CAMK1D: variants seen among roughly 807,000 people sequenced by gnomAD.
The protein encoded by CAMK1D is calcium/calmodulin dependent protein kinase ID.
A neutral mutation model predicts 47.7 loss-of-function variants in CAMK1D; 9 were observed. That is an observed-to-expected ratio of 0.19 (90% confidence interval 0.11 to 0.33). The LOEUF (loss-of-function observed/expected upper bound fraction) is 0.33. Among genes scored for constraint, CAMK1D ranks in the 10% least tolerant of loss-of-function variants. The pLI is 1.00. For missense variants in CAMK1D, 291 were observed against 488.7 expected (o/e 0.60, Z 3.81); for synonymous variants, 184 against 184.9 (o/e 0.99, Z 0.04).
intron 2 of CAMK1D, among the ~76,000 whole-genome samples, chr10:12,652,032 G>A (rs929865056): frequency 1.3e-5 from 2 of 151,926 alleles, no homozygotes; most frequent in Admixed American, 1.3e-4. Context: ...GCCCGCCTCG[G>A]CCTCCCAAAG....
chr10:12,542,613 C>T (rs1422325008), intron 1 of CAMK1D, among the ~76,000 whole-genome samples: 4 of 152,152 alleles, frequency 2.6e-5, no homozygotes, highest in African/African-American at 7.2e-5. Flanking sequence ...CAGTTCCATT[C>T]GACTAAGAGT....
chr10:12,369,144 C>T (rs1837936300), intron 1 of CAMK1D, among the ~76,000 whole-genome samples: 1 of 152,064 alleles, frequency 6.6e-6, no homozygotes, highest in African/African-American at 2.4e-5. Context: ...AGACAGATTC[C>T]AGCTTTTGTT....
chr10:12,827,462 T>TTCTTTCTTTCTTTCTTTCTTTC lies in CAMK1D; in HGVS notation c.1040-1306_1040-1305insCTTTCTTTCTTTCTTTCTTTCT, dbSNP rs1564594070. ...TTCTTTCTTTCTTTCTTTTCTTTCT[T>TTCTTTCTTTCTTTCTTTCTTTC]TGTCTGTCTGTCTTTCTTTCTTTCT... On this transcript the variant is annotated intron_variant, in intron 10 of 10. Transcript: ENST00000619168. 1.6e-4 allele frequency among the ~76,000 whole-genome samples: 2 copies of TTCTTTCTTTCTTTCTTTCTTTC among 12,122 alleles called. 1 individual carries two copies. The highest frequency in any genetic ancestry group is 3.8e-4 in the African/African-American group (2 of 5,258). 8.0% of individuals were successfully genotyped at this position (12,122 alleles called of 152,430 possible). A position where few individuals can be genotyped will look rare whatever the true frequency, so the allele number is the denominator to read the frequency against.
chr10:12,406,065 C>T (rs777577220), intron 1 of CAMK1D, among the ~76,000 whole-genome samples: 2 of 152,078 alleles, frequency 1.3e-5, no homozygotes, highest in Non-Finnish European at 2.9e-5. Flanking sequence ...ATGGGTGCAT[C>T]AATCAAATGG....
At chr10:12,796,249 G>A (rs556372726) in intron 6 of CAMK1D, among the ~76,000 whole-genome samples, 1 of 152,308 alleles carries the variant, frequency 6.6e-6, no homozygotes, top group South Asian at 2.1e-4. Flanking sequence ...AGAGGCACAA[G>A]AGCAGGCTGG....
chr10:12,619,412 C>CG (rs2132434416), intron 2 of CAMK1D, among the ~76,000 whole-genome samples: 1 of 151,872 alleles, frequency 6.6e-6, no homozygotes, highest in East Asian at 1.9e-4. Context: ...TGCCTCAGCC[C>CG]GAGTAGCTGG....
intron 3 of CAMK1D, among the ~76,000 whole-genome samples, chr10:12,759,219 C>T (rs1010881077): frequency 3.3e-5 from 5 of 152,124 alleles, no homozygotes; most frequent in South Asian, 2.1e-4. Flanking sequence ...TGTGGTGGCA[C>T]GTACCTGTGG....
At chr10:12,608,783 C>T (rs1838537929) in intron 2 of CAMK1D, among the ~76,000 whole-genome samples, 2 of 152,254 alleles carry the variant, frequency 1.3e-5, no homozygotes, top group South Asian at 4.1e-4. Context: ...TGGAGATACA[C>T]AAACTAGAAA....
chr10:12,759,579 A>T (rs1836403749), intron 3 of CAMK1D, among the ~76,000 whole-genome samples: 1 of 152,210 alleles, frequency 6.6e-6, no homozygotes, highest in African/African-American at 2.4e-5. Flanking sequence ...ACGGTCATCA[A>T]AATGTAGTTT....
chr10:12,822,025 C>T (rs1182932140), intron 8 of CAMK1D, among the ~76,000 whole-genome samples: 1 of 152,114 alleles, frequency 6.6e-6, no homozygotes, highest in Non-Finnish European at 1.5e-5. Context: ...AATGTGTTCA[C>T]CCATAGCGTT....
At chr10:12,414,395 A>T (rs529186160) in intron 1 of CAMK1D, among the ~76,000 whole-genome samples, 1 of 152,236 alleles carries the variant, frequency 6.6e-6, no homozygotes, top group African/African-American at 2.4e-5. Flanking sequence ...CTTTGAAATT[A>T]TCTTTTTCCT....
At chr10:12,413,370 C>T (rs1839731006) in intron 1 of CAMK1D, among the ~76,000 whole-genome samples, 1 of 152,206 alleles carries the variant, frequency 6.6e-6, no homozygotes, top group African/African-American at 2.4e-5. Flanking sequence ...GCCCCACCTC[C>T]AGCACTGGGG....
At chr10:12,819,507 G>A (rs1028390350) in intron 8 of CAMK1D, among the ~76,000 whole-genome samples, 1 of 152,206 alleles carries the variant, frequency 6.6e-6, no homozygotes, top group Non-Finnish European at 1.5e-5. Context: ...TCAGCCCTTT[G>A]GGCTGCCCCT....
chr10:12,721,897 A>T (rs771648779), intron 3 of CAMK1D, among the ~76,000 whole-genome samples: 12 of 152,156 alleles, frequency 7.9e-5, no homozygotes, highest in Non-Finnish European at 1.6e-4. Flanking sequence ...AGACAGTAGG[A>T]GTTTTTAACA....
chr10:12,802,451 C>T (rs1259330504), intron 6 of CAMK1D, among the ~76,000 whole-genome samples: 1 of 152,204 alleles, frequency 6.6e-6, no homozygotes, highest in African/African-American at 2.4e-5. Flanking sequence ...TCCCATCTGT[C>T]TTCAGAAATG....
At chr10:12,777,257 C>T (rs1016727509) in intron 5 of CAMK1D, among the ~76,000 whole-genome samples, 4 of 149,908 alleles carry the variant, frequency 2.7e-5, no homozygotes, top group East Asian at 2.0e-4. Flanking sequence ...AGAGTGCTGG[C>T]GGAGAGTGGC....
intron 1 of CAMK1D, among the ~76,000 whole-genome samples, chr10:12,465,602 A>G (rs1833567621): frequency 6.6e-6 from 1 of 152,084 alleles, no homozygotes; most frequent in Admixed American, 6.5e-5. Context: ...TGATCCACCC[A>G]CCTTGGCCTC....
At chr10:12,611,031 T>A (rs4423093) in intron 2 of CAMK1D, among the ~76,000 whole-genome samples, 2 of 151,948 alleles carry the variant, frequency 1.3e-5, no homozygotes, top group African/African-American at 2.4e-5. Context: ...TAACAAACCC[T>A]TGAGCTGTCT....
intron 6 of CAMK1D, among the ~76,000 whole-genome samples, chr10:12,791,441 C>T (rs545139210): frequency 6.6e-6 from 1 of 152,300 alleles, no homozygotes; most frequent in South Asian, 2.1e-4. Flanking sequence ...TTTTCCATCA[C>T]CCCAAACTGA....
Sources: allele counts gnomAD v4.1 joint callset (sites outside exome capture counted in the v4.1 genomes callset), GRCh38; gene constraint gnomAD v4.1.1; transcripts MANE v1.5; gene names NCBI Gene and HGNC (gene_info 2026-07-23, HGNC 2026-07-21).